Variants in SLC5A4 observed in about 807,000 individuals in gnomAD.
The protein encoded by SLC5A4 is solute carrier family 5 member 4.
In SLC5A4, 55 loss-of-function variants were observed where a neutral mutation model predicts 70.3. The ratio of observed to expected loss-of-function variants is 0.78; its 90% CI spans 0.63 to 0.98. The LOEUF is 0.98. Ranked by LOEUF, SLC5A4 falls within the 50% of genes least tolerant of loss-of-function variation. SLC5A4 has a pLI of 0.00. For missense variants in SLC5A4, 735 were observed against 839.2 expected (o/e 0.88, Z 1.53); for synonymous variants, 268 against 305.7 (o/e 0.88, Z 1.29).
chr22:32,239,035 TA>T lies in SLC5A4; in HGVS notation c.532del (p.Tyr178ThrfsTer10). 6.2e-7 allele frequency: 1 copy of T among 1,614,030 alleles called. No homozygotes were observed. The highest frequency in any genetic ancestry group is 8.5e-7 in the Non-Finnish European group (1 of 1,179,980). On this transcript the variant is annotated frameshift_variant, in exon 6 of 15. Transcript: ENST00000266086. LOFTEE classifies it high-confidence loss of function. ...FIKLALGLDL[Y>X]LAIFILLAMT... The stretch of plus-strand genomic sequence containing the variant: ...AGCCAAGAGGATGAAGATTGCCAGG[TA>T]AAGGTCCAATCCCAAGGCCAGCTTG...
chr22:32,348,300 C>T, the SLC5A4 span, among the ~76,000 whole-genome samples: 4 of 152,206 alleles, frequency 2.6e-5, no homozygotes, highest in African/African-American at 9.6e-5. Context: ...AGAGCCAAGG[C>T]AGGCTTCCAG....
chr22:32,256,219 G>C (rs1392471303), upstream of SLC5A4, among the ~76,000 whole-genome samples: 3 of 151,940 alleles, frequency 2.0e-5, no homozygotes, highest in African/African-American at 7.3e-5. Flanking sequence ...GAAGAGGGAG[G>C]ATCACCTGTG....
At chr22:32,316,585 A>G in the SLC5A4 span, among the ~76,000 whole-genome samples, 6 of 152,022 alleles carry the variant, frequency 3.9e-5, no homozygotes, top group Admixed American at 1.3e-4. Flanking sequence ...GCTGGAGTGC[A>G]ATGGTATGAT....
At chr22:32,330,974 G>GGT in the SLC5A4 span, among the ~76,000 whole-genome samples, 58 of 2,054 alleles carry the variant, frequency 0.028, 8 homozygotes, top group Non-Finnish European at 0.048. Context: ...TGGGGGCACT[G>GGT]GTGTGTGTGT....
At chr22:32,308,812 ATGCACAGCTGGGTGTGTG>A in the SLC5A4 span, among the ~76,000 whole-genome samples, 2 of 152,310 alleles carry the variant, frequency 1.3e-5, no homozygotes, top group Admixed American at 6.5e-5. Context: ...ATGTGTGTGC[ATGCACAGCTGGGTGTGTG>A]TGCACCCATG....
At chr22:32,333,191 C>G in the SLC5A4 span, among the ~76,000 whole-genome samples, 1 of 127,490 alleles carries the variant, frequency 7.8e-6, no homozygotes, top group East Asian at 2.5e-4. Context: ...TGCTCTAGCA[C>G]TGGCACCCCC....
the SLC5A4 span, among the ~76,000 whole-genome samples, chr22:32,328,509 C>T: frequency 3.3e-5 from 5 of 152,134 alleles, no homozygotes; most frequent in African/African-American, 7.2e-5. Context: ...AGCTACCCTG[C>T]GGAGAGGCCC....
the SLC5A4 span, chr22:32,271,268 T>A: frequency 1.3e-6 from 1 of 766,920 alleles, no homozygotes. Flanking sequence ...GACAGCTCCT[T>A]TGGAGAGCCC....
At chr22:32,353,904 G>A in the SLC5A4 span, among the ~76,000 whole-genome samples, 1 of 151,068 alleles carries the variant, frequency 6.6e-6, no homozygotes, top group Non-Finnish European at 1.5e-5. Context: ...GTGCAACCCC[G>A]GATAGTGCCC....
At chr22:32,315,080 TGG>T in the SLC5A4 span, among the ~76,000 whole-genome samples, 2 of 152,142 alleles carry the variant, frequency 1.3e-5, no homozygotes, top group Non-Finnish European at 2.9e-5. Context: ...ATGGTTAAAA[TGG>T]TTATATGTTA....
the SLC5A4 span, among the ~76,000 whole-genome samples, chr22:32,278,153 G>A: frequency 6.6e-6 from 1 of 152,154 alleles, no homozygotes; most frequent in Non-Finnish European, 1.5e-5. Context: ...CTCTAATTTT[G>A]AACTATGACA....
intron 1 of SLC5A4, 141 bp downstream of exon 1, chr22:32,255,054 T>C: frequency 1.2e-6 from 1 of 822,778 alleles, no homozygotes; most frequent in East Asian, 2.5e-5. Context: ...GTAAGCGTTA[T>C]TTATGCAACA....
the SLC5A4 span, among the ~76,000 whole-genome samples, chr22:32,264,197 A>T: frequency 1.5e-4 from 22 of 151,220 alleles, no homozygotes; most frequent in African/African-American, 5.1e-4. Context: ...TAAAAAAAAA[A>T]TTAAAAAAAA....
At chr22:32,256,436 AC>A (rs1404542651), upstream of SLC5A4, among the ~76,000 whole-genome samples, 1 of 152,238 alleles carries the variant, frequency 6.6e-6, no homozygotes, top group Non-Finnish European at 1.5e-5. Context: ...CATAAAATTT[AC>A]CATTTTAATC....
chr22:32,300,377 A>G, the SLC5A4 span, among the ~76,000 whole-genome samples: 109,111 of 151,266 alleles, frequency 0.72, 39,742 homozygotes, highest in African/African-American at 0.83. Flanking sequence ...CGTTTTTTAA[A>G]CCAGTCGGAA....
chr22:32,237,863 C>G (rs1926153668), intron 6 of SLC5A4, among the ~76,000 whole-genome samples: 1 of 152,132 alleles, frequency 6.6e-6, no homozygotes, highest in Non-Finnish European at 1.5e-5. Flanking sequence ...TCACCAGCAC[C>G]TGCAACAAGA....
chr22:32,300,232 T>TG, the SLC5A4 span, among the ~76,000 whole-genome samples: 3 of 151,716 alleles, frequency 2.0e-5, no homozygotes, highest in Non-Finnish European at 4.4e-5. Flanking sequence ...GCCTGGGCAA[T>TG]GGGGGGCGCC....
intron 13 of SLC5A4, among the ~76,000 whole-genome samples, chr22:32,223,008 T>C (rs1459644762): frequency 1.3e-5 from 2 of 152,194 alleles, no homozygotes. Flanking sequence ...TAGACAAACA[T>C]CTATATGCCT....
the SLC5A4 span, among the ~76,000 whole-genome samples, chr22:32,337,986 A>G: frequency 6.8e-6 from 1 of 148,116 alleles, no homozygotes; most frequent in African/African-American, 2.5e-5. Context: ...CAGGCTCCCA[A>G]AATTCCTACA....
Sources: gnomAD v4.1 joint callset for allele counts (sites outside exome capture counted in the v4.1 genomes callset) on GRCh38, gnomAD v4.1.1 for gene constraint, MANE v1.5 for transcripts, NCBI Gene and HGNC (gene_info 2026-07-23, HGNC 2026-07-21) for gene names.